OSBPL1A: variants seen among roughly 807,000 people sequenced by gnomAD.
OSBPL1A encodes the protein oxysterol binding protein like 1A.
OSBPL1A carries 80 observed loss-of-function variants against 137.1 expected under a neutral mutation model. The observed-to-expected ratio is 0.58, with a 90% CI of 0.49 to 0.70. The LOEUF (loss-of-function observed/expected upper bound fraction) is 0.70. OSBPL1A is among the 30% of genes least tolerant of loss of function. The pLI, the probability that OSBPL1A is intolerant of heterozygous loss-of-function variation, is 0.00. For missense variants in OSBPL1A, 970 were observed against 1,129.4 expected (o/e 0.86, Z 2.02); for synonymous variants, 365 against 389.7 (o/e 0.94, Z 0.75).
At chr18:24,292,222 A>G (rs1032225018) in intron 14 of OSBPL1A, among the ~76,000 whole-genome samples, 23 of 152,334 alleles carry the variant, frequency 1.5e-4, no homozygotes, top group Admixed American at 5.9e-4. Flanking sequence ...CAGACCCCCA[A>G]TGAAAGAATT....
chr18:24,266,633 G>T (rs2089581993), intron 15 of OSBPL1A, among the ~76,000 whole-genome samples: 1 of 152,106 alleles, frequency 6.6e-6, no homozygotes, highest in African/African-American at 2.4e-5. Context: ...AAAAAACTTG[G>T]AAGTCATCCA....
intron 18 of OSBPL1A, among the ~76,000 whole-genome samples, chr18:24,190,908 A>G (rs1019635037): frequency 2.0e-5 from 3 of 152,196 alleles, no homozygotes; most frequent in African/African-American, 7.2e-5. Flanking sequence ...ATGGCTATGT[A>G]GCAGACATTC....
At chr18:24,285,100 A>G (rs936286479) in intron 14 of OSBPL1A, among the ~76,000 whole-genome samples, 1 of 152,208 alleles carries the variant, frequency 6.6e-6, no homozygotes, top group Non-Finnish European at 1.5e-5. Flanking sequence ...ATGGGACATG[A>G]CAGCAGCTGC....
intron 15 of OSBPL1A, among the ~76,000 whole-genome samples, chr18:24,259,162 G>A (rs747152403): frequency 2.6e-5 from 4 of 151,942 alleles, no homozygotes; most frequent in East Asian, 3.9e-4. Context: ...CTGCCTCGGC[G>A]TCCCAAAGTG....
At chr18:24,322,115 T>A (rs1008556617) in intron 7 of OSBPL1A, among the ~76,000 whole-genome samples, 2 of 149,176 alleles carry the variant, frequency 1.3e-5, no homozygotes, top group Non-Finnish European at 3.0e-5. Context: ...ACTTTTTTTT[T>A]TTTTTTTTTT....
In OSBPL1A at chr18:24,338,748, C is replaced by T. The variant is rs534824465; in HGVS notation, c.394+2799G>A. 1.5e-4 allele frequency among the ~76,000 whole-genome samples: 23 copies of T among 152,316 alleles called. No individual in the cohort carries two copies. The South Asian group carries it at 4.8e-3, about 32-fold the overall frequency. On this transcript the variant is annotated intron_variant, in intron 5 of 27. Transcript: ENST00000319481. Reference sequence around the variant, plus strand: ...TGTTTTTTTGAGACGGAGTCTCACTCTGTCACCCAGGCTGGACCACACTGG... The same window carrying T: ...TGTTTTTTTGAGACGGAGTCTCACTTTGTCACCCAGGCTGGACCACACTGG...
intron 17 of OSBPL1A, among the ~76,000 whole-genome samples, chr18:24,216,361 G>C (rs1020545880): frequency 6.6e-6 from 1 of 152,178 alleles, no homozygotes; most frequent in Non-Finnish European, 1.5e-5. Flanking sequence ...AAAAAAATTA[G>C]CTGGGCGTGG....
intron 17 of OSBPL1A, among the ~76,000 whole-genome samples, chr18:24,207,872 A>C (rs915897506): frequency 6.6e-6 from 1 of 152,144 alleles, no homozygotes; most frequent in Non-Finnish European, 1.5e-5. Context: ...CAGCCTCCGG[A>C]GTAGCTGGCA....
At chr18:24,316,523 A>G (rs554052242) in intron 11 of OSBPL1A, among the ~76,000 whole-genome samples, 1 of 152,336 alleles carries the variant, frequency 6.6e-6, no homozygotes, top group South Asian at 2.1e-4. Flanking sequence ...TTATGTTCAT[A>G]TCAGACAAAA....
intron 15 of OSBPL1A, among the ~76,000 whole-genome samples, chr18:24,262,230 A>G (rs960881437): frequency 2.0e-5 from 3 of 152,246 alleles, no homozygotes; most frequent in African/African-American, 7.2e-5. Context: ...TAAATACTGC[A>G]GAACATATGA....
chr18:24,171,332 G>C (rs12455391), intron 23 of OSBPL1A, 77 bp downstream of exon 23: 40 of 1,165,658 alleles, frequency 3.4e-5, no homozygotes, highest in Non-Finnish European at 4.6e-5. Context: ...GTGCCCAGCC[G>C]ACAATGTATT....
intron 13 of OSBPL1A, chr18:24,311,554 A>T (rs1847615993): frequency 1.0e-6 from 1 of 963,674 alleles, no homozygotes; most frequent in African/African-American, 1.8e-5. Flanking sequence ...ACCAAGCTAC[A>T]GATTACAAGT....
At chr18:24,171,383 T>C (rs772153334) in intron 23 of OSBPL1A, 26 bp downstream of exon 23, 2 of 1,538,852 alleles carry the variant, frequency 1.3e-6, no homozygotes, top group Non-Finnish European at 1.8e-6. Context: ...ATCTATACTA[T>C]TCAACATTTA....
At chr18:24,234,336 C>T (rs879124472) in intron 16 of OSBPL1A, among the ~76,000 whole-genome samples, 1 of 152,152 alleles carries the variant, frequency 6.6e-6, no homozygotes. Flanking sequence ...CTTAAACACA[C>T]CCACTCCCAC....
In OSBPL1A at chr18:24,315,636, T is replaced by C. The variant is rs891182219; in HGVS notation, c.871-1289A>G. ...ATCATAATATAATTAATTATATATA[T>C]TATATAGTAAAATATAAAATTATAA... On this transcript the variant is annotated intron_variant, in intron 11 of 27. Coordinates refer to ENST00000319481, the MANE Select transcript of OSBPL1A (RefSeq NM_080597.4). 1.7e-3 allele frequency among the ~76,000 whole-genome samples: 66 copies of C among 39,098 alleles called. 1 individual carries two copies. The highest frequency in any genetic ancestry group is 0.016 in the East Asian group (65 of 4,156). 25.6% of individuals were successfully genotyped at this position (39,098 alleles called of 152,430 possible).
chr18:24,237,995 T>C (rs1216959689), intron 16 of OSBPL1A, among the ~76,000 whole-genome samples: 2 of 152,218 alleles, frequency 1.3e-5, no homozygotes, highest in African/African-American at 2.4e-5. Flanking sequence ...ACTTCTTCCC[T>C]TTCTTTTACT....
At chr18:24,190,329 A>T (rs916816602) in intron 18 of OSBPL1A, among the ~76,000 whole-genome samples, 1 of 131,324 alleles carries the variant, frequency 7.6e-6, no homozygotes, top group South Asian at 2.6e-4. Context: ...CCCCATTCAC[A>T]GTTGCCCTCT....
At chr18:24,283,313 TAC>T (rs377325493) in intron 14 of OSBPL1A, among the ~76,000 whole-genome samples, 2 of 130,392 alleles carry the variant, frequency 1.5e-5, no homozygotes, top group African/African-American at 5.6e-5. Context: ...TGTATATATA[TAC>T]ACACACACAC....
At chr18:24,283,640 G>T (rs1482340467) in intron 14 of OSBPL1A, among the ~76,000 whole-genome samples, 2 of 152,060 alleles carry the variant, frequency 1.3e-5, no homozygotes, top group African/African-American at 4.8e-5. Context: ...GTGGACCGAG[G>T]ACTGAGGAGA....
Sources: allele counts gnomAD v4.1 joint callset (sites outside exome capture counted in the v4.1 genomes callset), GRCh38; gene constraint gnomAD v4.1.1; transcripts MANE v1.5; gene names NCBI Gene and HGNC (gene_info 2026-07-23, HGNC 2026-07-21).